Variants in WDR90 observed in about 807,000 individuals in gnomAD.
WDR90 encodes WD repeat domain 90.
In WDR90, 238 loss-of-function variants were observed where a neutral mutation model predicts 195.2. That is an observed-to-expected ratio of 1.22 (90% CI 1.10 to 1.36). The LOEUF (loss-of-function observed/expected upper bound fraction) is 1.36, where lower values mean the gene tolerates loss of function less well. WDR90 is among the 40% of genes most tolerant of loss of function. The probability of loss-of-function intolerance (pLI) is 0.00; values close to 1 mark genes in which losing one functional copy is unlikely to be tolerated. For synonymous variants in WDR90, 1,265 were observed against 1,052.4 expected, an observed-to-expected ratio of 1.20 and a Z score of -3.91; for missense variants, 2,734 against 2,439.5, an observed-to-expected ratio of 1.12 and a Z score of -2.54.
In WDR90 at chr16:657,165, G is replaced by T. The variant is rs1428830626; in HGVS notation, c.2417G>T (p.Gly806Val). Residue 806 changes from glycine (G) to valine (V), a missense_variant, in exon 20 of 41, where the codon GGC (glycine) becomes GTC (valine). Transcript: ENST00000293879. ...GRLLFSSCSQ[G>V]SLAQYSCADP... Reference sequence around the variant, plus strand: ...CTGCTCTTCAGCTCCTGCTCCCAGGGCTCCCTGGCCCAGTACAGCTGTGCG... The same window carrying T: ...CTGCTCTTCAGCTCCTGCTCCCAGGTCTCCCTGGCCCAGTACAGCTGTGCG... The T allele has an allele frequency of 5.1e-6, 8 of 1,561,038 alleles. No homozygotes were observed. The Admixed American group carries it at 1.3e-4, about 26-fold the overall frequency.
chr16:651,904 G>C lies in WDR90; in HGVS notation c.918G>C (p.Ala306=). ...AAGAGCGCTCAGACGCCTCCAACGCGGATGGCCCCGGTTTCCATAGCCTTG... is the reference window on the plus strand; with the variant it reads ...AAGAGCGCTCAGACGCCTCCAACGCCGATGGCCCCGGTTTCCATAGCCTTG... ...LSQERSDASN[A]DGPGFHSLEP... Residue 306 remains alanine, a synonymous_variant, in exon 9 of 41, where the codon GCG becomes GCC. Coordinates refer to ENST00000293879, the MANE Select transcript of WDR90 (RefSeq NM_145294.5). The C allele has an allele frequency of 3.1e-6, 5 of 1,611,028 alleles. No individual in the cohort carries two copies. The highest frequency in any genetic ancestry group is 4.2e-6 in the Non-Finnish European group (5 of 1,179,636).
In WDR90 at chr16:666,338, C is replaced by T; in HGVS notation, c.4728C>T (p.Val1576=). 2 of 1,612,728 alleles carry T rather than the reference C, an allele frequency of 1.2e-6. No homozygotes were observed. The highest frequency in any genetic ancestry group is 8.5e-7 in the Non-Finnish European group (1 of 1,179,982). Residue 1576 remains valine (V), a synonymous_variant, in exon 37 of 41, where the codon GTC becomes GTT. Coordinates refer to ENST00000293879, the MANE Select transcript of WDR90 (RefSeq NM_145294.5). ...HQGAPISTIC[V]TCKECEDLGV... is the part of the protein sequence containing the mutation. ...GCGCCCCAATCTCTACCATCTGTGT[C>T]ACGTGCAAAGAGGTAAAGCAGCCCC...
chr16:657,601 C>T (rs1394253221), intron 20 of WDR90, among the ~76,000 whole-genome samples, 161 bp from the exon 21 acceptor site: 11 of 152,334 alleles, frequency 7.2e-5, no homozygotes, highest in Admixed American at 2.0e-4. Flanking sequence ...CAGCGCCTGG[C>T]GCCCACTGGC....
chr16:661,127 C>A lies in WDR90; in HGVS notation c.3468C>A (p.Gly1156=). The A allele has an allele frequency of 6.4e-7, 1 of 1,563,502 alleles. No individual in the cohort carries two copies. The highest frequency in any genetic ancestry group is 8.6e-7 in the Non-Finnish European group (1 of 1,162,166). ...LHSGAQQHWS[G]HSAEISTLAL... is the part of the protein sequence containing the mutation. ...CTGGCGCCCAGCAGCACTGGTCCGGCCACTCTGCGGAGATCTCCACGCTGG... is the reference window on the plus strand; with the variant it reads ...CTGGCGCCCAGCAGCACTGGTCCGGACACTCTGCGGAGATCTCCACGCTGG... The change falls in exon 29 of 41, where the codon GGC becomes GGA. Residue 1156 remains glycine (G), a synonymous_variant. Transcript: ENST00000293879.
intron 19 of WDR90, 87 bp downstream of exon 19, chr16:656,958 G>A: frequency 6.4e-7 from 1 of 1,559,158 alleles, no homozygotes; most frequent in Non-Finnish European, 8.7e-7. Context: ...AGGATGGCCA[G>A]TGCTGGCTGG....
chr16:649,972 C>G lies in WDR90; in HGVS notation c.103-19C>G, dbSNP rs774391431. 2 of 1,610,604 alleles carry G rather than the reference C, an allele frequency of 1.2e-6. No individual in the cohort carries two copies. The highest frequency in any genetic ancestry group is 1.7e-5 in the Admixed American group (1 of 59,928). On this transcript the variant is annotated intron_variant, in intron 2 of 40. Coordinates refer to ENST00000293879, the MANE Select transcript of WDR90 (RefSeq NM_145294.5). ...CTTCTTCTGGGTGCTGTCGGTGATGCGGGCTCCCGCTTCTCCAGGACAAGA... is the reference window on the plus strand; with the variant it reads ...CTTCTTCTGGGTGCTGTCGGTGATGGGGGCTCCCGCTTCTCCAGGACAAGA...
chr16:654,764 A>G, intron 13 of WDR90: 1 of 503,248 alleles, frequency 2.0e-6, no homozygotes, highest in Non-Finnish European at 3.6e-6. Flanking sequence ...GCTGCTTTTT[A>G]TCCACCTTCC....
At chr16:661,236 G>A (rs551614472) in intron 29 of WDR90, 64 bp downstream of exon 29, 236 of 1,518,292 alleles carry the variant, frequency 1.6e-4, no homozygotes, top group East Asian at 3.8e-4. Flanking sequence ...CCCAGCTCCC[G>A]GACCGGTGCG....
intron 17 of WDR90, 51 bp downstream of exon 17, chr16:655,940 C>A: frequency 6.5e-7 from 1 of 1,535,860 alleles, no homozygotes. Flanking sequence ...CGCCTGGATG[C>A]TGGGGCGGGG....
intron 3 of WDR90, 32 bp from the exon 4 acceptor site, chr16:650,220 CCT>C (rs771701788): frequency 5.6e-5 from 90 of 1,610,936 alleles, no homozygotes; most frequent in Non-Finnish European, 7.2e-5. Context: ...CCCTGCGGCC[CCT>C]GTCTCCTCAC....
At position 660,946 on chromosome 16, in the gene WDR90, CA is replaced by C. The variant is rs112619837; in HGVS notation, c.3392-104del. On this transcript the variant is annotated intron_variant, in intron 28 of 40. Transcript: ENST00000293879. The stretch of plus-strand genomic sequence containing the variant: ...CGATGCTAACCCCTTGGCCCCGCCC[CA>C]CGGCTCGGCCCAGGCCCCGCCCCCT... 8.7e-4 allele frequency: 456 copies of C among 526,580 alleles called. 108 individuals are homozygous for C. In the African/African-American group the frequency reaches 0.018, roughly 21 times the overall value. 32.6% of individuals were successfully genotyped at this position (526,580 alleles called of 1,614,324 possible).
rs767655884 is a variant in WDR90, at chr16:667,430, A to G, written c.5090-2A>G. 4 of 1,595,398 alleles carry G rather than the reference A, an allele frequency of 2.5e-6. No homozygotes were observed. Among genetic ancestry groups the G allele is most frequent in the Non-Finnish European group, 3.4e-6 (4 of 1,167,384 alleles). On this transcript the variant is annotated splice_acceptor_variant, in intron 40 of 40. Transcript: ENST00000293879. LOFTEE classifies it high-confidence loss of function. ...TGGCCCACCTGCACCGTCTACCCACAGAGTGCATGCTGAGGCTGGTAGACT... is the reference window on the plus strand; with the variant it reads ...TGGCCCACCTGCACCGTCTACCCACGGAGTGCATGCTGAGGCTGGTAGACT...
rs369715207 is a variant in WDR90 at position 653,376 on chromosome 16, C to T, written c.1158C>T (p.Tyr386=). Residue 386 remains tyrosine, a synonymous_variant, in exon 11 of 41, where the codon TAC becomes TAT. Coordinates refer to ENST00000293879, the MANE Select transcript of WDR90 (RefSeq NM_145294.5). The part of the protein sequence containing the change: ...LWTPDGAAVV[Y]PCHAVIVVLL... Reference sequence around the variant, plus strand: ...CCCCAGACGGGGCGGCTGTCGTGTACCCCTGCCATGCGGTCATCGTCGTCC... The same window carrying T: ...CCCCAGACGGGGCGGCTGTCGTGTATCCCTGCCATGCGGTCATCGTCGTCC... The T allele has an allele frequency of 3.1e-6, 5 of 1,598,710 alleles. No homozygotes were observed. The African/African-American group carries it at 4.0e-5, about 13-fold the overall frequency.
rs370359387 is a variant in WDR90 at position 651,026 on chromosome 16, C to A, written c.591C>A (p.Pro197=). Residue 197 remains proline (P), a synonymous_variant, in exon 6 of 41, where the codon CCC becomes CCA. Coordinates refer to ENST00000293879, the MANE Select transcript of WDR90 (RefSeq NM_145294.5). ...AISGAQWAKL[P]VTPMPREMAF... ...CTGGGGCCCAGTGGGCAAAGCTGCC[C>A]GTGACTCCTATGCCTCGGGAAATGG... 8.1e-6 allele frequency: 13 copies of A among 1,613,266 alleles called. No individual in the cohort carries two copies. In the South Asian group the frequency reaches 1.4e-4, roughly 18 times the overall value.
chr16:655,946 C>T (rs778998145), intron 17 of WDR90, 57 bp downstream of exon 17: 201 of 1,524,852 alleles, frequency 1.3e-4, no homozygotes, highest in East Asian at 1.7e-4. Flanking sequence ...GATGCTGGGG[C>T]GGGGAAGGCC....
chr16:665,936 C>A lies in WDR90; in HGVS notation c.4435-14C>A, dbSNP rs779243113. ...CCCTGTGAGTGCTGAAGTTTCCCCACTGTGGGTCCCCAGAGCTGCCTCTGC... is the reference window on the plus strand; with the variant it reads ...CCCTGTGAGTGCTGAAGTTTCCCCAATGTGGGTCCCCAGAGCTGCCTCTGC... On this transcript the variant is annotated splice_polypyrimidine_tract_variant and intron_variant, in intron 35 of 40. Transcript: ENST00000293879. 1 of 1,575,298 alleles carries A rather than the reference C, an allele frequency of 6.3e-7. No homozygotes were observed. The highest frequency in any genetic ancestry group is 8.6e-7 in the Non-Finnish European group (1 of 1,161,018).
intron 17 of WDR90, 121 bp downstream of exon 17, chr16:656,010 C>CA (rs35582942): frequency 0.43 from 525,297 of 1,226,756 alleles, 129,309 homozygotes; most frequent in East Asian, 0.97. Flanking sequence ...CACAGGGTGC[C>CA]ACGGGGCCAA....
Position 649,844 on chromosome 16 carries a change from C to A in WDR90, c.92C>A (p.Ala31Asp). The A allele has an allele frequency of 6.3e-7, 1 of 1,581,592 alleles. No individual in the cohort carries two copies. The change falls in exon 2 of 41, where the codon GCC (alanine) becomes GAC (aspartate). Residue 31 changes from alanine to aspartate, a missense_variant. Physicochemically the swap from Ala to Asp is moderately radical, Grantham distance 126. Transcript: ENST00000293879. Reference sequence around the variant, plus strand: ...CGCTCCGCCAAGCAGGGGGACGTGGCCGTGGTCACGGTAGGCGGCCGGGGG... The same window carrying A: ...CGCTCCGCCAAGCAGGGGGACGTGGACGTGGTCACGGTAGGCGGCCGGGGG... ...WKRSAKQGDV[A>D]VVTDKTLKGA... is the part of the protein sequence containing the mutation.
intron 20 of WDR90, chr16:657,490 A>C: frequency 2.9e-6 from 2 of 699,590 alleles, no homozygotes; most frequent in East Asian, 2.9e-5. Flanking sequence ...AGTCAGACCC[A>C]GGCATGGGCA....
Sources: allele counts gnomAD v4.1 joint callset (sites outside exome capture counted in the v4.1 genomes callset), GRCh38; gene constraint gnomAD v4.1.1; transcripts MANE v1.5; gene names NCBI Gene and HGNC (gene_info 2026-07-23, HGNC 2026-07-21).